The following RETREG1 variants were observed in gnomAD, a reference collection of about 807,000 sequenced individuals.
RETREG1 encodes family with sequence similarity 134 member B.
A neutral mutation model predicts 54.8 loss-of-function variants in RETREG1; 44 were observed. The ratio of observed to expected loss-of-function variants is 0.80; its 90% CI spans 0.63 to 1.03. The LOEUF (loss-of-function observed/expected upper bound fraction) is 1.03, where lower values mean the gene tolerates loss of function less well. Among genes scored for constraint, RETREG1 ranks in the 50% least tolerant of loss-of-function variants. The pLI is 0.00. For missense variants in RETREG1, 554 were observed against 605.1 expected (o/e 0.92, Z 0.89); for synonymous variants, 217 against 238.5 (o/e 0.91, Z 0.83).
chr5:16,509,198 G>C (rs1740089536), intron 3 of RETREG1: 1 of 200,046 alleles, frequency 5.0e-6, no homozygotes, highest in South Asian at 1.7e-4. Context: ...GAGGGTTGGG[G>C]GTTTTGTTTG....
chr5:16,567,706 C>T (rs35467461), intron 2 of RETREG1, among the ~76,000 whole-genome samples: 199 of 152,212 alleles, frequency 1.3e-3, no homozygotes, highest in Non-Finnish European at 2.1e-3. Flanking sequence ...CCTGTAATTC[C>T]AGTGCTTTGG....
intron 3 of RETREG1, among the ~76,000 whole-genome samples, chr5:16,521,395 T>A (rs893830689): frequency 3.9e-5 from 6 of 152,204 alleles, no homozygotes; most frequent in Admixed American, 2.6e-4. Flanking sequence ...CTGAAGGATG[T>A]TCCTGCATGC....
At chr5:16,547,875 G>C (rs1446748515) in intron 3 of RETREG1, among the ~76,000 whole-genome samples, 3 of 152,076 alleles carry the variant, frequency 2.0e-5, no homozygotes, top group Non-Finnish European at 2.9e-5. Context: ...TGAAATTAAT[G>C]CTGGATAAAA....
intron 3 of RETREG1, among the ~76,000 whole-genome samples, chr5:16,513,046 C>G (rs1480953265): frequency 1.3e-5 from 2 of 152,104 alleles, no homozygotes; most frequent in Non-Finnish European, 2.9e-5. Flanking sequence ...ATTTTGGGCT[C>G]TCTGAGTATA....
At chr5:16,564,886 A>G (rs1041276544) in intron 3 of RETREG1, among the ~76,000 whole-genome samples, 2 of 152,258 alleles carry the variant, frequency 1.3e-5, no homozygotes, top group Non-Finnish European at 2.9e-5. Context: ...GGTGCGTTAC[A>G]TAAAATACAG....
intron 1 of RETREG1, among the ~76,000 whole-genome samples, chr5:16,580,651 T>C (rs1474520905): frequency 6.6e-6 from 1 of 152,150 alleles, no homozygotes; most frequent in Non-Finnish European, 1.5e-5. Context: ...CAGAGGGCTC[T>C]GGAAAGCTGC....
chr5:16,520,455 G>C (rs565561356), intron 3 of RETREG1, among the ~76,000 whole-genome samples: 6 of 151,876 alleles, frequency 4.0e-5, no homozygotes, highest in Admixed American at 2.6e-4. Flanking sequence ...TCAGCCTCCC[G>C]AGTAGCGGGG....
At chr5:16,511,587 T>C (rs763524339) in intron 3 of RETREG1, among the ~76,000 whole-genome samples, 16 of 152,204 alleles carry the variant, frequency 1.1e-4, no homozygotes, top group Non-Finnish European at 2.4e-4. Context: ...GAGTCCCCTT[T>C]AGGTACATTT....
At chr5:16,495,669 C>G (rs1162139734) in intron 3 of RETREG1, among the ~76,000 whole-genome samples, 1 of 152,064 alleles carries the variant, frequency 6.6e-6, no homozygotes, top group Admixed American at 6.5e-5. Flanking sequence ...GGCATGGTGG[C>G]AGGTGCCTGT....
At chr5:16,500,560 G>T (rs1349775031) in intron 3 of RETREG1, among the ~76,000 whole-genome samples, 1 of 152,118 alleles carries the variant, frequency 6.6e-6, no homozygotes, top group African/African-American at 2.4e-5. Flanking sequence ...GGCTCAATCA[G>T]AAATGGAAAT....
chr5:16,590,490 A>G (rs1461460082), intron 1 of RETREG1, among the ~76,000 whole-genome samples: 1 of 152,236 alleles, frequency 6.6e-6, no homozygotes, highest in Non-Finnish European at 1.5e-5. Context: ...CAAATAGCAC[A>G]AACAAGTAGT....
intron 1 of RETREG1, among the ~76,000 whole-genome samples, chr5:16,615,579 T>TA (rs1247239370): frequency 6.6e-6 from 1 of 152,138 alleles, no homozygotes; most frequent in Non-Finnish European, 1.5e-5. Context: ...AGATTTGGAA[T>TA]AAACTCTATT....
intron 3 of RETREG1, among the ~76,000 whole-genome samples, chr5:16,545,817 G>C (rs917988314): frequency 6.6e-6 from 1 of 152,188 alleles, no homozygotes; most frequent in Non-Finnish European, 1.5e-5. Context: ...TCTGTTGTCA[G>C]CACAGAAGCT....
chr5:16,607,805 C>T (rs368707258), intron 1 of RETREG1, among the ~76,000 whole-genome samples: 1 of 151,944 alleles, frequency 6.6e-6, no homozygotes, highest in South Asian at 2.1e-4. Flanking sequence ...TTTGCAGCCT[C>T]ACCTCTGGGT....
chr5:16,598,073 C>A (rs886716226), intron 1 of RETREG1, among the ~76,000 whole-genome samples: 1 of 152,080 alleles, frequency 6.6e-6, no homozygotes, highest in African/African-American at 2.4e-5. Context: ...CATCTCCCCA[C>A]CTCCCGACCA....
At chr5:16,483,105 T>C in intron 4 of RETREG1, 1 of 481,410 alleles carries the variant, frequency 2.1e-6, no homozygotes, top group Non-Finnish European at 3.7e-6. Context: ...TTTTAGCTAA[T>C]GAGCTAGATA....
intron 1 of RETREG1, among the ~76,000 whole-genome samples, chr5:16,590,196 A>G (rs75905543): frequency 6.6e-6 from 1 of 152,298 alleles, no homozygotes; most frequent in East Asian, 1.9e-4. Flanking sequence ...TGGGACCTCC[A>G]GGATCCCTCA....
chr5:16,562,492 G>A (rs934921558), intron 3 of RETREG1, among the ~76,000 whole-genome samples: 4 of 152,110 alleles, frequency 2.6e-5, no homozygotes, highest in Admixed American at 2.6e-4. Context: ...ATCCCTGGCT[G>A]TTCTCATCAA....
At chr5:16,574,631 T>C (rs1023622062) in intron 1 of RETREG1, among the ~76,000 whole-genome samples, 14 of 152,188 alleles carry the variant, frequency 9.2e-5, no homozygotes, top group African/African-American at 3.4e-4. Flanking sequence ...TAAATAACAG[T>C]CTGCAACTGC....
Sources: gnomAD v4.1 joint callset for allele counts (sites outside exome capture counted in the v4.1 genomes callset) on GRCh38, gnomAD v4.1.1 for gene constraint, MANE v1.5 for transcripts, NCBI Gene and HGNC (gene_info 2026-07-23, HGNC 2026-07-21) for gene names.